The following KCNMB4 variants were observed in gnomAD, a reference collection of about 807,000 sequenced individuals.
KCNMB4 encodes the protein calcium-activated potassium channel subunit beta-4.
Under a neutral mutation model 20.7 loss-of-function variants are expected in KCNMB4, and 3 were observed. The ratio of observed to expected loss-of-function variants is 0.14; its 90% confidence interval spans 0.07 to 0.37. KCNMB4 has a LOEUF of 0.37. Ranked by LOEUF, KCNMB4 falls within the 10% of genes least tolerant of loss-of-function variation. The probability of loss-of-function intolerance (pLI) is 1.00; values close to 1 mark genes in which losing one functional copy is unlikely to be tolerated. For missense variants in KCNMB4, 168 were observed against 265.9 expected (o/e 0.63, Z 2.56); for synonymous variants, 110 against 113.4 (o/e 0.97, Z 0.19).
At chr12:70,396,049 A>G (rs1191427307) in intron 1 of KCNMB4, among the ~76,000 whole-genome samples, 1 of 152,220 alleles carries the variant, frequency 6.6e-6, no homozygotes, top group Non-Finnish European at 1.5e-5. Context: ...AGGATGTACC[A>G]GGAAGACAAA....
intron 1 of KCNMB4, among the ~76,000 whole-genome samples, chr12:70,398,091 A>C (rs979759848): frequency 2.6e-5 from 4 of 152,224 alleles, no homozygotes; most frequent in Non-Finnish European, 4.4e-5. Flanking sequence ...ACATTTTTCT[A>C]ATGCAAAGTG....
At chr12:70,419,112 C>T (rs1162141763) in intron 2 of KCNMB4, among the ~76,000 whole-genome samples, 2 of 152,124 alleles carry the variant, frequency 1.3e-5, no homozygotes, top group Admixed American at 6.6e-5. Flanking sequence ...ATCAGACATG[C>T]TATATCACAG....
At chr12:70,374,061 A>G (rs571011659) in intron 1 of KCNMB4, among the ~76,000 whole-genome samples, 1 of 152,230 alleles carries the variant, frequency 6.6e-6, no homozygotes, top group Non-Finnish European at 1.5e-5. Flanking sequence ...ATGTATCTCC[A>G]GCCCCCATTT....
rs930261049 is a variant in KCNMB4 at position 70,407,617 on chromosome 12, G to A, written c.464+7281G>A. Among the ~76,000 whole-genome samples, 7 of 151,576 alleles carry A rather than the reference G, an allele frequency of 4.6e-5. No homozygotes were observed. In the East Asian group the frequency reaches 5.9e-4, roughly 13 times the overall value. On this transcript the variant is annotated intron_variant, in intron 2 of 2. Transcript: ENST00000258111. ...CGAGTAGCTGGGACTACAGGCGCCC[G>A]CCACCACACCCGGCTAATTTTTTGT...
Position 70,366,494 on chromosome 12 carries a change from T to C in KCNMB4, c.-241T>C, listed in dbSNP as rs1444525450. On this transcript the variant is annotated 5_prime_UTR_variant, in exon 1 of 3. Transcript: ENST00000258111. ...AGGGTGCAGGAGGCTCTGAAGCGGC[T>C]GCTGCACCGCGGGGCCCAGGCGGCG... is the stretch of plus-strand genomic sequence containing the variant. 1.4e-5 allele frequency: 2 copies of C among 147,108 alleles called. No individual in the cohort carries two copies. The highest frequency in any genetic ancestry group is 5.0e-5 in the African/African-American group (2 of 40,042). 9.1% of individuals were successfully genotyped at this position (147,108 alleles called of 1,614,324 possible).
At chr12:70,367,176 G>A in intron 1 of KCNMB4, 106 bp downstream of exon 1, 1 of 843,524 alleles carries the variant, frequency 1.2e-6, no homozygotes, top group Non-Finnish European at 1.7e-6. Flanking sequence ...CGCATTGCTA[G>A]GAGGAGACCA....
intron 2 of KCNMB4, chr12:70,422,666 TAAA>T: frequency 1.6e-6 from 2 of 1,283,252 alleles, no homozygotes; most frequent in African/African-American, 1.5e-5. Flanking sequence ...TTTGCCTTTT[TAAA>T]AAAGACAGAA....
At chr12:70,382,527 ATAT>A (rs1883808700) in intron 1 of KCNMB4, among the ~76,000 whole-genome samples, 1 of 152,100 alleles carries the variant, frequency 6.6e-6, no homozygotes, top group Admixed American at 6.5e-5. Flanking sequence ...TTATACATTA[ATAT>A]TGTATATATG....
chr12:70,397,496 A>T (rs915718588), intron 1 of KCNMB4, among the ~76,000 whole-genome samples: 17 of 152,182 alleles, frequency 1.1e-4, no homozygotes, highest in African/African-American at 3.6e-4. Context: ...ATTTTCTCCA[A>T]TGTAAAAAAG....
chr12:70,412,286 T>C (rs1209030893), intron 2 of KCNMB4, among the ~76,000 whole-genome samples: 2 of 152,162 alleles, frequency 1.3e-5, no homozygotes, highest in African/African-American at 4.8e-5. Context: ...GCAAAAGGCA[T>C]CATGCAGCTT....
chr12:70,424,264 C>T (rs988181615), intron 2 of KCNMB4, among the ~76,000 whole-genome samples: 1 of 152,194 alleles, frequency 6.6e-6, no homozygotes, highest in East Asian at 1.9e-4. Flanking sequence ...TCCAAGAAAG[C>T]TTTGTTTAGC....
At chr12:70,411,369 T>C (rs964763555) in intron 2 of KCNMB4, among the ~76,000 whole-genome samples, 3 of 152,166 alleles carry the variant, frequency 2.0e-5, no homozygotes, top group African/African-American at 7.2e-5. Context: ...TTAAATTTGG[T>C]TCAACCTACT....
chr12:70,406,139 GGAA>G (rs148238297), intron 2 of KCNMB4, among the ~76,000 whole-genome samples: 17,530 of 152,052 alleles, frequency 0.12, 1,280 homozygotes, highest in Middle Eastern at 0.23. Context: ...AGGGGGTAAC[GGAA>G]GTTACTAATC....
intron 1 of KCNMB4, among the ~76,000 whole-genome samples, chr12:70,391,301 TTTA>T (rs1868297084): frequency 7.1e-6 from 1 of 140,864 alleles, no homozygotes; most frequent in South Asian, 2.1e-4. Flanking sequence ...TTATTTTTTA[TTTA>T]TTATTATTTT....
chr12:70,380,676 TGGAC>T (rs1883770127), intron 1 of KCNMB4, among the ~76,000 whole-genome samples: 2 of 150,824 alleles, frequency 1.3e-5, no homozygotes, highest in Non-Finnish European at 3.0e-5. Context: ...CTATACATCA[TGGAC>T]GGTTGATTTT....
rs573658957 is a variant in KCNMB4 at position 70,432,921 on chromosome 12, T to C, written c.*2268T>C. 20 of 152,332 alleles carry C rather than the reference T, an allele frequency of 1.3e-4. No individual in the cohort carries two copies. Among genetic ancestry groups the C allele is most frequent in the African/African-American group, 4.6e-4 (19 of 41,588 alleles). 9.4% of individuals were successfully genotyped at this position (152,332 alleles called of 1,614,324 possible). ...GTGTTGAAAAAAGGGGAAGTTGATA[T>C]ATATCAATCTTAGTTTTCATTTATC... On this transcript the variant is annotated 3_prime_UTR_variant, in exon 3 of 3. Transcript: ENST00000258111.
rs189849339 is a variant in KCNMB4 at position 70,372,934 on chromosome 12, G to C, written c.336+5864G>C. ...TCTTGGTGGTGAGTAAAGGGAGGCA[G>C]GGTGGAATGAAGAGAACATCAAAGA... On this transcript the variant is annotated intron_variant, in intron 1 of 2. Transcript: ENST00000258111. Among the ~76,000 whole-genome samples the C allele has an allele frequency of 2.4e-3, 362 of 152,302 alleles. 2 individuals carry two copies. The highest frequency in any genetic ancestry group is 8.5e-3 in the African/African-American group (355 of 41,568).
intron 2 of KCNMB4, among the ~76,000 whole-genome samples, chr12:70,404,321 A>G (rs1257183885): frequency 6.6e-6 from 1 of 152,130 alleles, no homozygotes; most frequent in African/African-American, 2.4e-5. Context: ...TGTTGAATGT[A>G]TACTGGCTGG....
At chr12:70,402,666 A>G (rs1158530252) in intron 2 of KCNMB4, among the ~76,000 whole-genome samples, 1 of 151,258 alleles carries the variant, frequency 6.6e-6, no homozygotes, top group African/African-American at 2.4e-5. Flanking sequence ...AAAAAAAAAA[A>G]AAAAAAAAAG....
Sources: gnomAD v4.1 joint callset for allele counts (sites outside exome capture counted in the v4.1 genomes callset) on GRCh38, gnomAD v4.1.1 for gene constraint, MANE v1.5 for transcripts, NCBI Gene and HGNC (gene_info 2026-07-23, HGNC 2026-07-21) for gene names.